The following MAPK14 variants were observed in gnomAD, a reference collection of about 807,000 sequenced individuals.
MAPK14 encodes the protein CSAID-binding protein.
MAPK14 carries 16 observed loss-of-function variants against 49.6 expected under a neutral mutation model. That is an observed-to-expected ratio of 0.32 (90% CI 0.22 to 0.49). The LOEUF is 0.49. MAPK14 is among the 20% of genes least tolerant of loss of function. MAPK14 has a pLI of 0.99. For synonymous variants in MAPK14, 142 were observed against 158.0 expected (o/e 0.90, Z 0.76); for missense variants, 200 against 441.2 (o/e 0.45, Z 4.90).
intron 10 of MAPK14, among the ~76,000 whole-genome samples, chr6:36,104,210 A>C (rs1043176950): frequency 5.3e-5 from 8 of 152,148 alleles, no homozygotes; most frequent in Non-Finnish European, 1.0e-4. Flanking sequence ...ATGAATCCAC[A>C]GTCTCATCAG....
At chr6:36,044,071 A>G (rs1307113577) in intron 1 of MAPK14, among the ~76,000 whole-genome samples, 1 of 151,878 alleles carries the variant, frequency 6.6e-6, no homozygotes, top group Non-Finnish European at 1.5e-5. Flanking sequence ...CGGCCTCCCA[A>G]AGTTCTGGGA....
chr6:36,122,279 C>G, the MAPK14 span, among the ~76,000 whole-genome samples: 1 of 152,312 alleles, frequency 6.6e-6, no homozygotes, highest in Non-Finnish European at 1.5e-5. Flanking sequence ...GAGGTGGCCT[C>G]CAGGGTGCAC....
rs373094210 is a variant in MAPK14 at position 36,028,144 on chromosome 6, G to A, written c.-14G>A. The A allele has an allele frequency of 3.6e-5, 57 of 1,598,082 alleles. No individual in the cohort carries two copies. Among genetic ancestry groups the A allele is most frequent in the South Asian group, 4.4e-5 (4 of 90,580 alleles). On this transcript the variant is annotated 5_prime_UTR_variant, in exon 1 of 12. Transcript: ENST00000229794. The surrounding 1 kb of genome is among the most constrained non-coding windows in gnomAD (Gnocchi z 5.1). ...CACAGGGCCACCTTCTTGCCCGGCG[G>A]CTGCCGCTGGAAAATGTCTCAGGAG...
intron 1 of MAPK14, among the ~76,000 whole-genome samples, chr6:36,040,195 G>A (rs1218315895): frequency 6.6e-6 from 1 of 151,992 alleles, no homozygotes; most frequent in Non-Finnish European, 1.5e-5. Flanking sequence ...TTGTTGTGGG[G>A]GACTGACCTG....
At chr6:36,118,063 C>T in the MAPK14 span, among the ~76,000 whole-genome samples, 1 of 152,208 alleles carries the variant, frequency 6.6e-6, no homozygotes, top group Non-Finnish European at 1.5e-5. Flanking sequence ...GAAGAATTGG[C>T]TTCTGATTCT....
At chr6:36,046,108 A>T (rs1159436929) in intron 1 of MAPK14, among the ~76,000 whole-genome samples, 3 of 152,182 alleles carry the variant, frequency 2.0e-5, no homozygotes, top group African/African-American at 7.2e-5. Flanking sequence ...TTATTTAATG[A>T]TTATCCTTGT....
chr6:36,100,248 A>C (rs1233168488), intron 9 of MAPK14: 1 of 1,613,578 alleles, frequency 6.2e-7, no homozygotes, highest in Non-Finnish European at 8.5e-7. Flanking sequence ...TATCTCATTA[A>C]CAGGATGCCA....
chr6:36,029,176 T>G (rs1053543569), intron 1 of MAPK14: 4 of 152,174 alleles, frequency 2.6e-5, no homozygotes, highest in African/African-American at 7.2e-5. Flanking sequence ...GTAAATATTT[T>G]TTGAGATAAT....
chr6:36,105,564 C>T (rs1317248837), intron 10 of MAPK14, among the ~76,000 whole-genome samples: 2 of 151,888 alleles, frequency 1.3e-5, no homozygotes, highest in African/African-American at 4.8e-5. Flanking sequence ...AAGAGAAGAC[C>T]ATCAGAAGAA....
At chr6:36,075,245 A>AG (rs1311487248) in intron 6 of MAPK14, among the ~76,000 whole-genome samples, 1 of 151,458 alleles carries the variant, frequency 6.6e-6, no homozygotes, top group Non-Finnish European at 1.5e-5. Flanking sequence ...AAAAAAAAAA[A>AG]AAAAGTTTAT....
At chr6:36,116,990 CCT>C in the MAPK14 span, among the ~76,000 whole-genome samples, 1 of 152,108 alleles carries the variant, frequency 6.6e-6, no homozygotes, top group African/African-American at 2.4e-5. Flanking sequence ...GTTAGACAAT[CCT>C]CTTTTGGTTT....
Position 36,028,182 on chromosome 6 carries a change from T to C in MAPK14, c.25T>C (p.Tyr9His), listed in dbSNP as rs935119459. Residue 9 changes from tyrosine to histidine, a missense_variant, in exon 1 of 12, where the codon TAC becomes CAC. Around this residue, in one of 2 missense-constraint regions of MAPK14, gnomAD observed 30 missense variants for 34.2 expected, o/e 0.88. Transcript: ENST00000229794. This position sits in a 1 kb window ranked among gnomAD's most constrained non-coding sequence, Gnocchi z 5.1. ...AATGTCTCAGGAGAGGCCCACGTTC[T>C]ACCGGCAGGAGCTGAACAAGACAAT... MSQERPTF[Y>H]RQELNKTIWE... The C allele has an allele frequency of 5.0e-6, 8 of 1,613,490 alleles. No homozygotes were observed. Among genetic ancestry groups the C allele is most frequent in the Middle Eastern group, 1.6e-4 (1 of 6,084 alleles).
chr6:36,117,056 TGGCTGC>T, the MAPK14 span, among the ~76,000 whole-genome samples: 1 of 152,222 alleles, frequency 6.6e-6, no homozygotes, highest in Non-Finnish European at 1.5e-5. Context: ...AAGGACTCCC[TGGCTGC>T]TGCTGGCCAA....
In MAPK14 at chr6:36,108,805, G is replaced by A. The variant is rs200933215; in HGVS notation, c.*358G>A. 1.0e-4 allele frequency: 24 copies of A among 241,038 alleles called. No individual in the cohort carries two copies. The highest frequency in any genetic ancestry group is 5.8e-5 in the Non-Finnish European group (7 of 120,614). 14.9% of individuals were successfully genotyped at this position (241,038 alleles called of 1,614,324 possible). A position where few individuals can be genotyped will look rare whatever the true frequency, so the allele number is the denominator to read the frequency against. On this transcript the variant is annotated 3_prime_UTR_variant, in exon 12 of 12. Coordinates refer to ENST00000229794, the MANE Select transcript of MAPK14 (RefSeq NM_139012.3). ...AAAAATATGAATTGTCCCCAATCCC[G>A]GTCATGCTTTTGCCACTTTGGCTTC...
intron 3 of MAPK14, among the ~76,000 whole-genome samples, chr6:36,069,913 G>A (rs1423620876): frequency 1.3e-5 from 2 of 152,108 alleles, no homozygotes; most frequent in Non-Finnish European, 2.9e-5. Context: ...AGTTATGTTT[G>A]TCTCTTCTCC....
At chr6:36,052,204 C>T (rs574382332) in intron 1 of MAPK14, among the ~76,000 whole-genome samples, 2 of 151,132 alleles carry the variant, frequency 1.3e-5, no homozygotes, top group African/African-American at 2.5e-5. Context: ...TGGGCCTCGA[C>T]TCTGAGCAGG....
At chr6:36,062,801 G>A (rs1246669861) in intron 3 of MAPK14, among the ~76,000 whole-genome samples, 3 of 151,798 alleles carry the variant, frequency 2.0e-5, no homozygotes, top group Non-Finnish European at 4.4e-5. Flanking sequence ...GGGATTACAG[G>A]CGCACATCAC....
At position 36,108,461 on chromosome 6, in the gene MAPK14, G is replaced by T. The variant is rs373240204; in HGVS notation, c.*14G>T. ...ATGGAGTCCTGAGCACCTGGTTTCT[G>T]TTCTGTTGATCCCACTTCACTGTGA... On this transcript the variant is annotated 3_prime_UTR_variant, in exon 12 of 12. Coordinates refer to ENST00000229794, the MANE Select transcript of MAPK14 (RefSeq NM_139012.3). 1 of 1,609,108 alleles carries T rather than the reference G, an allele frequency of 6.2e-7. No homozygotes were observed. Among genetic ancestry groups the T allele is most frequent in the African/African-American group, 1.3e-5 (1 of 74,802 alleles).
chr6:36,122,942 A>C, the MAPK14 span, among the ~76,000 whole-genome samples: 1 of 152,092 alleles, frequency 6.6e-6, no homozygotes, highest in Non-Finnish European at 1.5e-5. Flanking sequence ...AAGAATGTGG[A>C]CGTCACAAAG....
Sources: gnomAD v4.1 joint callset for allele counts (sites outside exome capture counted in the v4.1 genomes callset) on GRCh38, gnomAD v4.1.1 for gene constraint, gnomAD v4.1.1 regional missense constraint, Gnocchi (gnomAD v3.1) non-coding constraint, MANE v1.5 for transcripts, NCBI Gene and HGNC (gene_info 2026-07-23, HGNC 2026-07-21) for gene names.